SAE1: variants seen among roughly 807,000 people sequenced by gnomAD.
The protein encoded by SAE1 is SUMO1 activating enzyme subunit 1.
A neutral mutation model predicts 40.6 loss-of-function variants in SAE1; 11 were observed. The observed-to-expected ratio is 0.27, with a 90% CI of 0.17 to 0.45. The LOEUF (loss-of-function observed/expected upper bound fraction) is 0.45, where lower values mean the gene tolerates loss of function less well. Among genes scored for constraint, SAE1 ranks in the 20% least tolerant of loss-of-function variants. SAE1 has a pLI of 1.00. For missense variants in SAE1, 373 were observed against 427.3 expected (o/e 0.87, Z 1.12); for synonymous variants, 155 against 154.3 (o/e 1.00, Z -0.03).
intron 7 of SAE1, among the ~76,000 whole-genome samples, chr19:47,198,453 C>A (rs1027722939): frequency 6.6e-6 from 1 of 152,210 alleles, no homozygotes; most frequent in Middle Eastern, 3.4e-3. Flanking sequence ...ATGTACACAC[C>A]CTAATTCCCT....
At chr19:47,139,375 G>A (rs2123184051) in intron 1 of SAE1, among the ~76,000 whole-genome samples, 1 of 151,834 alleles carries the variant, frequency 6.6e-6, no homozygotes, top group African/African-American at 2.4e-5. Context: ...TTGTACAGAT[G>A]GAGTCTTACT....
At chr19:47,179,753 C>T (rs970355015) in intron 6 of SAE1, among the ~76,000 whole-genome samples, 5 of 152,014 alleles carry the variant, frequency 3.3e-5, no homozygotes, top group East Asian at 3.9e-4. Context: ...TTTGTAGAGA[C>T]GGGGTTTCAC....
intron 6 of SAE1, among the ~76,000 whole-genome samples, chr19:47,184,182 G>A (rs2058527961): frequency 6.6e-6 from 1 of 152,072 alleles, no homozygotes; most frequent in South Asian, 2.1e-4. Flanking sequence ...TTAAATTGAT[G>A]GGCTCTGGGT....
chr19:47,172,498 C>T (rs1477269242), intron 6 of SAE1, among the ~76,000 whole-genome samples: 1 of 152,080 alleles, frequency 6.6e-6, no homozygotes, highest in African/African-American at 2.4e-5. Context: ...ACTTGAGCAT[C>T]TCTAACTGCT....
At chr19:47,157,943 C>T (rs1425646362) in intron 5 of SAE1, among the ~76,000 whole-genome samples, 3 of 152,154 alleles carry the variant, frequency 2.0e-5, no homozygotes, top group African/African-American at 7.2e-5. Flanking sequence ...TGTCACCTTG[C>T]AATAACATGC....
In SAE1 at chr19:47,194,811, C is replaced by T. The variant is rs553681994; in HGVS notation, c.734-2422C>T. Among the ~76,000 whole-genome samples, 5 of 148,986 alleles carry T rather than the reference C, an allele frequency of 3.4e-5. No homozygotes were observed. The East Asian group carries it at 5.9e-4, about 18-fold the overall frequency. ...ATCGCACAGGCAAAGTGCAGTGGCG[C>T]GATCTCAGCTCACTGCAACCTCCCA... On this transcript the variant is annotated intron_variant, in intron 6 of 8. Transcript: ENST00000270225.
At chr19:47,149,163 C>CTTTTT (rs958403274) in intron 2 of SAE1, among the ~76,000 whole-genome samples, 17 of 86,486 alleles carry the variant, frequency 2.0e-4, no homozygotes, top group South Asian at 3.7e-4. Flanking sequence ...CACTGGTCTA[C>CTTTTT]TTTTTTTTTT....
intron 6 of SAE1, among the ~76,000 whole-genome samples, chr19:47,193,993 C>T (rs1410793327): frequency 1.3e-5 from 2 of 148,772 alleles, no homozygotes; most frequent in Non-Finnish European, 1.5e-5. Context: ...CAGGGTGTGT[C>T]TTTTTTTTTT....
chr19:47,143,849 G>A (rs901423678), intron 2 of SAE1, among the ~76,000 whole-genome samples: 5 of 152,138 alleles, frequency 3.3e-5, no homozygotes, highest in African/African-American at 4.8e-5. Context: ...TGTAAAATGG[G>A]GTTAGTAATA....
chr19:47,185,683 C>T (rs2058539692), intron 6 of SAE1, among the ~76,000 whole-genome samples: 1 of 151,978 alleles, frequency 6.6e-6, no homozygotes, highest in African/African-American at 2.4e-5. Flanking sequence ...CTCACTGCAA[C>T]CTCCGCCTCC....
At chr19:47,196,647 CCACCG>C (rs1427085591) in intron 6 of SAE1, among the ~76,000 whole-genome samples, 1 of 151,350 alleles carries the variant, frequency 6.6e-6, no homozygotes, top group Non-Finnish European at 1.5e-5. Flanking sequence ...CAGCTGTGAG[CCACCG>C]CACCCGGCTC....
intron 5 of SAE1, among the ~76,000 whole-genome samples, chr19:47,161,705 G>T (rs1347686872): frequency 6.6e-6 from 1 of 152,186 alleles, no homozygotes; most frequent in Non-Finnish European, 1.5e-5. Flanking sequence ...TACTGGTATG[G>T]TGAGGCCCTC....
At chr19:47,135,960 C>T (rs949033735) in intron 1 of SAE1, among the ~76,000 whole-genome samples, 9 of 151,860 alleles carry the variant, frequency 5.9e-5, no homozygotes, top group Admixed American at 3.9e-4. Context: ...CCCGCCACCA[C>T]GCCCGGCTAA....
intron 6 of SAE1, among the ~76,000 whole-genome samples, chr19:47,193,546 G>C (rs2058593099): frequency 6.6e-6 from 1 of 151,232 alleles, no homozygotes; most frequent in South Asian, 2.1e-4. Context: ...TACCAGCTGG[G>C]TGCTGTGGCT....
intron 1 of SAE1, among the ~76,000 whole-genome samples, chr19:47,138,643 T>C (rs2058197482): frequency 6.6e-6 from 1 of 152,074 alleles, no homozygotes; most frequent in Admixed American, 6.6e-5. Context: ...GATACAGTGG[T>C]TTCTGGAGTT....
chr19:47,169,654 C>T (rs1312870197), intron 5 of SAE1, among the ~76,000 whole-genome samples, 164 bp from the exon 6 acceptor site: 1 of 152,190 alleles, frequency 6.6e-6, no homozygotes, highest in Non-Finnish European at 1.5e-5. Flanking sequence ...CAGAAGCACA[C>T]AGTGAGTGTT....
chr19:47,180,626 C>T (rs527860252), intron 6 of SAE1, among the ~76,000 whole-genome samples: 30 of 152,172 alleles, frequency 2.0e-4, no homozygotes, highest in African/African-American at 7.2e-4. Flanking sequence ...GTTTTGAGAC[C>T]AGCCTGGGCA....
chr19:47,169,509 T>C (rs1322329554), intron 5 of SAE1, among the ~76,000 whole-genome samples: 2 of 152,108 alleles, frequency 1.3e-5, no homozygotes, highest in African/African-American at 4.8e-5. Context: ...GTCTCCAAAG[T>C]GTTGGGATTA....
chr19:47,152,889 T>C lies in SAE1; in HGVS notation c.385-9T>C. On this transcript the variant is annotated splice_polypyrimidine_tract_variant and intron_variant, in intron 3 of 8. Coordinates refer to ENST00000270225, the MANE Select transcript of SAE1 (RefSeq NM_005500.3). The stretch of plus-strand genomic sequence containing the variant: ...AACTCAAACCCAGCCAATTTCTTTC[T>C]TTCTGCAGGTGTGTCTGACTTGCTG... The C allele has an allele frequency of 6.2e-7, 1 of 1,609,946 alleles. No individual in the cohort carries two copies. Among genetic ancestry groups the C allele is most frequent in the Non-Finnish European group, 8.5e-7 (1 of 1,179,128 alleles).
Sources: allele counts gnomAD v4.1 joint callset (sites outside exome capture counted in the v4.1 genomes callset), GRCh38; gene constraint gnomAD v4.1.1; transcripts MANE v1.5; gene names NCBI Gene and HGNC (gene_info 2026-07-23, HGNC 2026-07-21).